NRG1: variants seen among roughly 807,000 people sequenced by gnomAD.
The protein encoded by NRG1 is neuregulin 1.
Under a neutral mutation model 63.8 loss-of-function variants are expected in NRG1, and 18 were observed. The observed-to-expected ratio is 0.28, with a 90% CI of 0.19 to 0.42. NRG1 has a LOEUF of 0.42. Among genes scored for constraint, NRG1 ranks in the 10% least tolerant of loss-of-function variants. NRG1 has a pLI of 1.00. For synonymous variants in NRG1, 302 were observed against 301.3 expected (o/e 1.00, Z -0.02); for missense variants, 762 against 814.7 (o/e 0.94, Z 0.79).
At chr8:32,318,450 G>A (rs1301704515) in intron 1 of NRG1, among the ~76,000 whole-genome samples, 2 of 152,090 alleles carry the variant, frequency 1.3e-5, no homozygotes, top group Admixed American at 1.3e-4. Flanking sequence ...CAATCTTAAT[G>A]TTTTTGCATA....
intron 1 of NRG1, among the ~76,000 whole-genome samples, chr8:31,927,885 A>G (rs1834519803): frequency 6.7e-6 from 1 of 149,890 alleles, no homozygotes; most frequent in South Asian, 2.1e-4. Context: ...TTATTATAAT[A>G]CTTTAAGTTT....
At chr8:32,237,329 T>C (rs1368800220) in intron 1 of NRG1, among the ~76,000 whole-genome samples, 1 of 152,196 alleles carries the variant, frequency 6.6e-6, no homozygotes, top group Non-Finnish European at 1.5e-5. Context: ...TCTTTTGAGT[T>C]TTTGTGTTAG....
chr8:32,426,658 C>T (rs944118837), intron 1 of NRG1, among the ~76,000 whole-genome samples: 3 of 152,188 alleles, frequency 2.0e-5, no homozygotes, highest in Non-Finnish European at 4.4e-5. Flanking sequence ...ACACCCTACA[C>T]ACACACAATG....
intron 5 of NRG1, among the ~76,000 whole-genome samples, chr8:32,683,568 C>A (rs1809280611): frequency 6.6e-6 from 1 of 152,136 alleles, no homozygotes; most frequent in African/African-American, 2.4e-5. Flanking sequence ...TCTGCCACCC[C>A]CATGTTTTAT....
At chr8:32,103,340 C>A (rs893232988) in intron 1 of NRG1, among the ~76,000 whole-genome samples, 1 of 152,186 alleles carries the variant, frequency 6.6e-6, no homozygotes, top group Non-Finnish European at 1.5e-5. Context: ...ACAGTTCCAT[C>A]CATATTGTTG....
chr8:31,640,564 C>T lies in NRG1; in HGVS notation c.37+1133C>T, dbSNP rs1404174586. 6.2e-7 allele frequency: 1 copy of T among 1,611,800 alleles called. No individual in the cohort carries two copies. Among genetic ancestry groups the T allele is most frequent in the African/African-American group, 1.3e-5 (1 of 74,790 alleles). ...GGGGACCTGGGGCCACCCCGCCTTCCCCTCCTGCGGGAGGCTCAAGGAGGA... is the reference window on the plus strand; with the variant it reads ...GGGGACCTGGGGCCACCCCGCCTTCTCCTCCTGCGGGAGGCTCAAGGAGGA... On this transcript the variant is annotated intron_variant, in intron 1 of 10. Transcript: ENST00000519301. The surrounding 1 kb of genome is among the most constrained non-coding windows in gnomAD (Gnocchi z 6.3).
intron 1 of NRG1, among the ~76,000 whole-genome samples, chr8:32,327,165 C>G (rs1036880500): frequency 2.0e-5 from 3 of 152,120 alleles, no homozygotes; most frequent in African/African-American, 7.2e-5. Flanking sequence ...AGAGGTTCCT[C>G]CCTGGTTTCT....
At chr8:32,350,871 G>T (rs959482229) in intron 1 of NRG1, among the ~76,000 whole-genome samples, 12 of 152,126 alleles carry the variant, frequency 7.9e-5, no homozygotes, top group Admixed American at 6.6e-4. Context: ...CACCACGTCT[G>T]TCCAGATCAG....
rs16878516 is a variant in NRG1, at chr8:31,946,944, T to A, written c.37+307513T>A. Among the ~76,000 whole-genome samples the A allele has an allele frequency of 6.8e-3, 1,043 of 152,340 alleles. 10 individuals carry two copies. Among genetic ancestry groups the A allele is most frequent in the African/African-American group, 0.024 (1,002 of 41,572 alleles). ...TCTCTGCACATAGAACAAATATGGA[T>A]CTAACTCATACTTCTGTGATTGCCT... is the stretch of plus-strand genomic sequence containing the variant. On this transcript the variant is annotated intron_variant, in intron 1 of 10. Transcript: ENST00000519301.
In NRG1 at chr8:31,891,918, A is replaced by G. The variant is rs527504123; in HGVS notation, c.37+252487A>G. The stretch of plus-strand genomic sequence containing the variant: ...CCAATCTCAAAAAATTACATAATGT[A>G]TGATCTAATTTTTATACCACTTTGA... On this transcript the variant is annotated intron_variant, in intron 1 of 10. Transcript: ENST00000519301. Among the ~76,000 whole-genome samples, 27 of 152,294 alleles carry G rather than the reference A, an allele frequency of 1.8e-4. 1 individual carries two copies. Among genetic ancestry groups the G allele is most frequent in the African/African-American group, 5.3e-4 (22 of 41,578 alleles).
At chr8:31,953,308 A>G (rs145848727) in intron 1 of NRG1, among the ~76,000 whole-genome samples, 4 of 152,362 alleles carry the variant, frequency 2.6e-5, no homozygotes, top group African/African-American at 9.6e-5. Context: ...GAAAGCAAAT[A>G]TAATAAAAAT....
intron 5 of NRG1, among the ~76,000 whole-genome samples, chr8:32,619,691 C>CT (rs1847997856): frequency 6.6e-6 from 1 of 152,228 alleles, no homozygotes; most frequent in Non-Finnish European, 1.5e-5. Flanking sequence ...ACCAAGGCTG[C>CT]TTTTGTTTTT....
chr8:32,229,841 T>G (rs942895703), intron 1 of NRG1, among the ~76,000 whole-genome samples: 6 of 151,194 alleles, frequency 4.0e-5, no homozygotes. Flanking sequence ...CTAGACACAT[T>G]TTTTCATTTT....
At chr8:32,273,475 T>G (rs1489063464) in intron 1 of NRG1, among the ~76,000 whole-genome samples, 1 of 152,230 alleles carries the variant, frequency 6.6e-6, no homozygotes, top group Non-Finnish European at 1.5e-5. Flanking sequence ...TTAATTTTTT[T>G]GAACTGAAAG....
intron 1 of NRG1, chr8:32,063,100 C>T (rs893287494): frequency 3.3e-5 from 5 of 152,042 alleles, no homozygotes; most frequent in Admixed American, 6.6e-5. Context: ...TATGTTTCTT[C>T]CAGTTGTATT....
chr8:31,851,372 A>T (rs1261914606), intron 1 of NRG1, among the ~76,000 whole-genome samples: 1 of 152,184 alleles, frequency 6.6e-6, no homozygotes, highest in Non-Finnish European at 1.5e-5. Flanking sequence ...TAAAAGGATT[A>T]TGTGAAAATT....
At chr8:32,172,444 C>T (rs1840177987) in intron 1 of NRG1, among the ~76,000 whole-genome samples, 1 of 152,210 alleles carries the variant, frequency 6.6e-6, no homozygotes, top group African/African-American at 2.4e-5. Context: ...AACGCCTCTC[C>T]TCCTCCAAAG....
intron 1 of NRG1, among the ~76,000 whole-genome samples, chr8:31,821,333 G>A (rs1823985501): frequency 6.6e-6 from 1 of 152,104 alleles, no homozygotes; most frequent in Non-Finnish European, 1.5e-5. Context: ...GTTATAAGGT[G>A]AAAGGCACAC....
chr8:32,095,240 G>A (rs933150477), intron 1 of NRG1, among the ~76,000 whole-genome samples: 2 of 152,104 alleles, frequency 1.3e-5, no homozygotes, highest in Non-Finnish European at 2.9e-5. Context: ...TCAGTTATGG[G>A]TTCATTGTTT....
Sources: gnomAD v4.1 joint callset for allele counts (sites outside exome capture counted in the v4.1 genomes callset) on GRCh38, gnomAD v4.1.1 for gene constraint, Gnocchi (gnomAD v3.1) non-coding constraint, MANE v1.5 for transcripts, NCBI Gene and HGNC (gene_info 2026-07-23, HGNC 2026-07-21) for gene names.